Variants in ATP8B4 observed in about 807,000 individuals in gnomAD.
ATP8B4 encodes the protein ATPase phospholipid transporting 8B4 (putative).
ATP8B4 carries 133 observed loss-of-function variants against 145.6 expected under a neutral mutation model. That is an observed-to-expected ratio of 0.91 (90% CI 0.79 to 1.05). ATP8B4 has a LOEUF of 1.05. Ranked by LOEUF, ATP8B4 falls within the 50% of genes least tolerant of loss-of-function variation. ATP8B4 has a pLI of 0.00. For synonymous variants in ATP8B4, 507 were observed against 492.9 expected (o/e 1.03, Z -0.38); for missense variants, 1,458 against 1,425.2 (o/e 1.02, Z -0.37).
At chr15:49,893,631 G>C (rs960520351) in intron 23 of ATP8B4, among the ~76,000 whole-genome samples, 2 of 152,148 alleles carry the variant, frequency 1.3e-5, no homozygotes, top group Non-Finnish European at 2.9e-5. Context: ...GTAGAGTGGT[G>C]GTTGCCAGGG....
intron 5 of ATP8B4, among the ~76,000 whole-genome samples, chr15:50,039,779 C>T (rs145839058): frequency 9.9e-5 from 15 of 152,192 alleles, no homozygotes; most frequent in African/African-American, 3.4e-4. Context: ...ATGCTTCAAC[C>T]AGCCCTTTTC....
Position 49,931,296 on chromosome 15 carries a change from A to C in ATP8B4, c.1465T>G (p.Tyr489Asp), listed in dbSNP as rs374457100. The change falls in exon 16 of 28, where the codon TAC becomes GAC. Residue 489 changes from tyrosine to aspartate, a missense_variant. Physicochemically the swap from Tyr to Asp is radical, Grantham distance 160. Transcript: ENST00000284509. ...CCTTCATCAGGTGACTGAACTTGGT[A>C]AATCAGCTCTCCTAAAAGGTAAAGA... ...SEENSAGELI[Y>D]QVQSPDEGAL... 3.7e-6 allele frequency: 6 copies of C among 1,612,024 alleles called. No homozygotes were observed. In the South Asian group the frequency reaches 6.6e-5, roughly 18 times the overall value.
chr15:50,080,733 C>T (rs2054490635), intron 2 of ATP8B4, among the ~76,000 whole-genome samples: 1 of 151,974 alleles, frequency 6.6e-6, no homozygotes, highest in South Asian at 2.1e-4. Flanking sequence ...ATGTCTGGCC[C>T]CCTGCTAGAA....
intron 10 of ATP8B4, among the ~76,000 whole-genome samples, chr15:49,986,741 T>C (rs755214243): frequency 3.3e-5 from 5 of 152,172 alleles, no homozygotes; most frequent in Non-Finnish European, 7.3e-5. Context: ...ACAATTTGAG[T>C]GGCTTTATGA....
At chr15:49,960,484 G>C (rs1019919223) in intron 14 of ATP8B4, among the ~76,000 whole-genome samples, 2 of 152,156 alleles carry the variant, frequency 1.3e-5, no homozygotes, top group African/African-American at 4.8e-5. Flanking sequence ...AATGGGTAAA[G>C]TCAGTAATCA....
At chr15:49,920,908 G>A (rs563938238) in intron 17 of ATP8B4, among the ~76,000 whole-genome samples, 1 of 152,214 alleles carries the variant, frequency 6.6e-6, no homozygotes, top group African/African-American at 2.4e-5. Flanking sequence ...TCACACCCAA[G>A]TCTTGTCACA....
chr15:49,917,261 C>A, intron 19 of ATP8B4: 1 of 485,224 alleles, frequency 2.1e-6, no homozygotes, highest in South Asian at 3.9e-5. Context: ...GCACAAGTAG[C>A]AACACTAACG....
intron 8 of ATP8B4, among the ~76,000 whole-genome samples, chr15:50,000,795 A>C (rs891578358): frequency 3.3e-5 from 5 of 152,164 alleles, no homozygotes; most frequent in African/African-American, 2.4e-5. Flanking sequence ...TAGATTTCAA[A>C]GATTTCCTCC....
intron 17 of ATP8B4, among the ~76,000 whole-genome samples, chr15:49,920,844 C>T (rs1599146980): frequency 6.6e-6 from 1 of 152,154 alleles, no homozygotes; most frequent in East Asian, 1.9e-4. Flanking sequence ...CTTAGAGAAG[C>T]CATAGTCCTC....
chr15:49,973,584 T>G (rs112823984), intron 12 of ATP8B4, among the ~76,000 whole-genome samples: 18 of 152,298 alleles, frequency 1.2e-4, no homozygotes, highest in African/African-American at 3.4e-4. Flanking sequence ...ACTCTTCCCA[T>G]TTACCATGAA....
intron 1 of ATP8B4, among the ~76,000 whole-genome samples, chr15:50,161,117 A>G (rs2044511650): frequency 6.6e-6 from 1 of 152,066 alleles, no homozygotes; most frequent in Admixed American, 6.5e-5. Context: ...CTTTATCTTT[A>G]TATAGTGACC....
rs187033811 is a variant in ATP8B4, at chr15:50,040,159, G to A, written c.301-1330C>T. Among the ~76,000 whole-genome samples the A allele has an allele frequency of 2.5e-4, 38 of 152,318 alleles. No homozygotes were observed. The East Asian group carries it at 7.3e-3, about 29-fold the overall frequency. On this transcript the variant is annotated intron_variant, in intron 5 of 27. Transcript: ENST00000284509. ...TTGGGCTCTGTGGTCCCTGCCCTGT[G>A]GCTTCTGGTAAGATTTGGCCAACAG...
intron 14 of ATP8B4, among the ~76,000 whole-genome samples, chr15:49,958,854 C>T (rs1239336409): frequency 1.3e-5 from 2 of 151,862 alleles, no homozygotes; most frequent in African/African-American, 4.8e-5. Flanking sequence ...TGAAATAGCA[C>T]CAGGTCCACA....
intron 6 of ATP8B4, among the ~76,000 whole-genome samples, chr15:50,013,077 A>G (rs1740094001): frequency 6.6e-6 from 1 of 152,102 alleles, no homozygotes; most frequent in South Asian, 2.1e-4. Flanking sequence ...ACCTACAACC[A>G]CCACCACTGA....
intron 6 of ATP8B4, among the ~76,000 whole-genome samples, chr15:50,026,043 G>A (rs544335039): frequency 3.3e-5 from 5 of 152,204 alleles, no homozygotes; most frequent in African/African-American, 1.2e-4. Context: ...CTCCACTGTT[G>A]GAAGACCCGA....
Position 50,106,548 on chromosome 15 carries a change from A to G in ATP8B4, c.28+391T>C, listed in dbSNP as rs140511939. ...TGAAATTTAAAATGAAGAACAAACT[A>G]TTAATACATGCAACTGTATAGGTAT... On this transcript the variant is annotated intron_variant, in intron 2 of 27. Transcript: ENST00000284509. 1.1e-3 allele frequency among the ~76,000 whole-genome samples: 172 copies of G among 152,360 alleles called. 1 individual carries two copies. In the East Asian group the frequency reaches 0.032, roughly 29 times the overall value.
intron 15 of ATP8B4, among the ~76,000 whole-genome samples, chr15:49,933,096 A>C (rs894555761): frequency 6.6e-6 from 1 of 152,008 alleles, no homozygotes; most frequent in African/African-American, 2.4e-5. Flanking sequence ...GGACCCAAAA[A>C]ATTTATATAA....
At chr15:50,047,034 C>T (rs147310925) in intron 4 of ATP8B4, among the ~76,000 whole-genome samples, 6 of 152,290 alleles carry the variant, frequency 3.9e-5, no homozygotes, top group Non-Finnish European at 8.8e-5. Flanking sequence ...GCAATCCCCA[C>T]ACTGTAGATG....
intron 12 of ATP8B4, among the ~76,000 whole-genome samples, chr15:49,973,645 T>C (rs1021107800): frequency 6.6e-6 from 1 of 152,138 alleles, no homozygotes; most frequent in Non-Finnish European, 1.5e-5. Context: ...ATTACAATAA[T>C]TATGATTAAT....
Sources: allele counts gnomAD v4.1 joint callset (sites outside exome capture counted in the v4.1 genomes callset), GRCh38; gene constraint gnomAD v4.1.1; transcripts MANE v1.5; gene names NCBI Gene and HGNC (gene_info 2026-07-23, HGNC 2026-07-21).